FBXL18: variants seen among roughly 807,000 people sequenced by gnomAD.
FBXL18 encodes the protein F-box/LRR-repeat protein 18.
In FBXL18, 36 loss-of-function variants were observed where a neutral mutation model predicts 46.0. The ratio of observed to expected loss-of-function variants is 0.78; its 90% CI spans 0.60 to 1.03. FBXL18 has a LOEUF of 1.03. Among genes scored for constraint, FBXL18 ranks in the 50% least tolerant of loss-of-function variants. The pLI, the probability that FBXL18 is intolerant of heterozygous loss-of-function variation, is 0.00. For synonymous variants in FBXL18, 557 were observed against 465.3 expected (o/e 1.20, Z -2.54); for missense variants, 977 against 1,004.1 (o/e 0.97, Z 0.36).
At chr7:5,506,469 G>T (rs1323450889) in intron 1 of FBXL18, among the ~76,000 whole-genome samples, 1 of 151,334 alleles carries the variant, frequency 6.6e-6, no homozygotes, top group African/African-American at 2.4e-5. Flanking sequence ...TGGCCAATCA[G>T]GTTGCAAATT....
At chr7:5,507,003 G>A (rs1438818530) in intron 1 of FBXL18, among the ~76,000 whole-genome samples, 1 of 152,200 alleles carries the variant, frequency 6.6e-6, no homozygotes, top group South Asian at 2.1e-4. Flanking sequence ...TCCCCAGATC[G>A]GGGACAAAGG....
chr7:5,486,199 C>T (rs1309610507), intron 4 of FBXL18, among the ~76,000 whole-genome samples: 1 of 142,550 alleles, frequency 7.0e-6, no homozygotes, highest in African/African-American at 2.7e-5. Context: ...TGCAGTGAAC[C>T]GAGATGGTAC....
rs991423742 is a variant in FBXL18, at chr7:5,476,070, G to C, written c.*5705C>G. ...AGGTCTCCCCTTAAAACCACGTGGA[G>C]CTCTGCTGTCTCTGGGCAGTCTCAC... On this transcript the variant is annotated 3_prime_UTR_variant, in exon 5 of 5. Coordinates refer to ENST00000382368, the MANE Select transcript of FBXL18 (RefSeq NM_024963.6). 1.3e-5 allele frequency: 2 copies of C among 152,260 alleles called. No homozygotes were observed. The highest frequency in any genetic ancestry group is 4.8e-5 in the African/African-American group (2 of 41,454). The allele number at this position is 152,260 out of a possible 1,614,324, so 9.4% of individuals were successfully genotyped here. A position where few individuals can be genotyped will look rare whatever the true frequency, so the allele number is the denominator to read the frequency against.
chr7:5,462,972 ATATATAT>A (rs1783276076), intron 4 of FBXL18, among the ~76,000 whole-genome samples: 1 of 15,582 alleles, frequency 6.4e-5, no homozygotes, highest in Non-Finnish European at 1.6e-4. Flanking sequence ...AAAAAAAAAT[ATATATAT>A]ATATATATAT....
At chr7:5,513,540 G>A (rs1784595499) in intron 1 of FBXL18, 117 bp downstream of exon 1, 3 of 1,179,590 alleles carry the variant, frequency 2.5e-6, no homozygotes, top group African/African-American at 1.5e-5. Flanking sequence ...GGGAAGGACG[G>A]GGCGGGGTAG....
At chr7:5,495,389 CG>C (rs1384727480) in intron 3 of FBXL18, among the ~76,000 whole-genome samples, 2 of 152,228 alleles carry the variant, frequency 1.3e-5, no homozygotes, top group East Asian at 3.8e-4. Context: ...CACAGCAGCC[CG>C]GGTGACTCAG....
At chr7:5,474,768 C>T (rs1278730223), downstream of FBXL18, among the ~76,000 whole-genome samples, 24 of 150,240 alleles carry the variant, frequency 1.6e-4, 1 homozygote, top group Middle Eastern at 3.4e-3. Flanking sequence ...AGTGCAGTGG[C>T]GCGATCTCGG....
intron 4 of FBXL18, chr7:5,490,026 CAG>C (rs1783877474): frequency 7.6e-7 from 1 of 1,321,648 alleles, no homozygotes; most frequent in Non-Finnish European, 1.0e-6. Flanking sequence ...TTTTTACAAC[CAG>C]AGAGGGGGAA....
downstream of FBXL18, among the ~76,000 whole-genome samples, chr7:5,472,650 G>A (rs1783445862): frequency 6.6e-6 from 1 of 152,256 alleles, no homozygotes; most frequent in African/African-American, 2.4e-5. Flanking sequence ...AGGCCCCACT[G>A]AGGTCCAGGT....
At chr7:5,459,097 G>A (rs1182006890) in intron 4 of FBXL18, among the ~76,000 whole-genome samples, 1 of 152,198 alleles carries the variant, frequency 6.6e-6, no homozygotes, top group Non-Finnish European at 1.5e-5. Context: ...AGGCTGCAGT[G>A]AGACATGATC....
At position 5,501,389 on chromosome 7, in the gene FBXL18, C is replaced by T. The variant is rs1368203767; in HGVS notation, c.880G>A (p.Ala294Thr). The T allele has an allele frequency of 5.6e-6, 9 of 1,613,726 alleles. No homozygotes were observed. Among genetic ancestry groups the T allele is most frequent in the African/African-American group, 1.3e-5 (1 of 74,910 alleles). The change falls in exon 3 of 5, where the codon GCC becomes ACC. Residue 294 changes from alanine to threonine, a missense_variant. Ala to Thr is a moderately conservative substitution (Grantham distance 58, BLOSUM62 0). Coordinates refer to ENST00000382368, the MANE Select transcript of FBXL18 (RefSeq NM_024963.6). Reference protein sequence around the residue: ...DSMARNVVLDALQLPKSWLNG... With the variant: ...DSMARNVVLDTLQLPKSWLNG... ...AGCCAGGACTTGGGCAGCTGCAGGG[C>T]ATCCAGCACGACATTGCGCGCCATG...
Position 5,493,392 on chromosome 7 carries a change from T to C in FBXL18, c.1782-1943A>G, listed in dbSNP as rs370584498. Among the ~76,000 whole-genome samples, 3 of 152,178 alleles carry C rather than the reference T, an allele frequency of 2.0e-5. No homozygotes were observed. The East Asian group carries it at 5.9e-4, about 30-fold the overall frequency. On this transcript the variant is annotated intron_variant, in intron 3 of 4. Transcript: ENST00000382368. ...TCTCAGCTCATTGCAAGCTCCCGGGTTCACGCCATTCTCCTGCCTCAGCCT... is the reference window on the plus strand; with the variant it reads ...TCTCAGCTCATTGCAAGCTCCCGGGCTCACGCCATTCTCCTGCCTCAGCCT...
At position 5,503,202 on chromosome 7, in the gene FBXL18, G is replaced by A. The variant is rs1045881938; in HGVS notation, c.238-1171C>T. On this transcript the variant is annotated intron_variant, in intron 2 of 4. Transcript: ENST00000382368. ...TGGAGACCAGCTTGGGAAACATAGC[G>A]AGACCCCATATCTACCAAAAAGAAA... 3.3e-5 allele frequency among the ~76,000 whole-genome samples: 5 copies of A among 152,336 alleles called. No homozygotes were observed. In the East Asian group the frequency reaches 7.7e-4, roughly 23 times the overall value.
At chr7:5,469,003 G>T (rs550085489) in intron 4 of FBXL18, among the ~76,000 whole-genome samples, 3 of 152,312 alleles carry the variant, frequency 2.0e-5, no homozygotes, top group Non-Finnish European at 2.9e-5. Context: ...AATTGAGAGT[G>T]TGTGGTGTGC....
intron 4 of FBXL18, among the ~76,000 whole-genome samples, chr7:5,485,919 C>A (rs1428786001): frequency 6.6e-6 from 1 of 151,852 alleles, no homozygotes; most frequent in Admixed American, 6.6e-5. Flanking sequence ...ATTAGCCGGG[C>A]GTGGTGGCAC....
At position 5,480,380 on chromosome 7, in the gene FBXL18, G is replaced by A. The variant is rs1279756788; in HGVS notation, c.*1395C>T. The A allele has an allele frequency of 6.6e-6, 1 of 152,070 alleles. No homozygotes were observed. The highest frequency in any genetic ancestry group is 2.4e-5 in the African/African-American group (1 of 41,398). 9.4% of individuals were successfully genotyped at this position (152,070 alleles called of 1,614,324 possible). A position where few individuals can be genotyped will look rare whatever the true frequency, so the allele number is the denominator to read the frequency against. Reference sequence around the variant, plus strand: ...GGCAGAAGCGGCCACCGTGGCACATGGGGTGAGGACTCAGATGCCAGGAGG... The same window carrying A: ...GGCAGAAGCGGCCACCGTGGCACATAGGGTGAGGACTCAGATGCCAGGAGG... On this transcript the variant is annotated 3_prime_UTR_variant, in exon 5 of 5. Transcript: ENST00000382368.
chr7:5,475,085 G>A (rs1324378571), downstream of FBXL18, among the ~76,000 whole-genome samples: 3 of 150,620 alleles, frequency 2.0e-5, no homozygotes, highest in Admixed American at 6.6e-5. The surrounding 1 kb of genome is among the most constrained non-coding windows in gnomAD (Gnocchi z 4.2). Context: ...TTGGGAGGCC[G>A]AGGCGGGTGG....
intron 4 of FBXL18, among the ~76,000 whole-genome samples, chr7:5,487,645 T>C (rs1451104186): frequency 6.6e-6 from 1 of 152,202 alleles, no homozygotes; most frequent in Non-Finnish European, 1.5e-5. Context: ...AGCACTGACC[T>C]CACAGGGCTT....
At chr7:5,456,553 C>T (rs1562669014) in intron 4 of FBXL18, among the ~76,000 whole-genome samples, 1 of 151,688 alleles carries the variant, frequency 6.6e-6, no homozygotes, top group Non-Finnish European at 1.5e-5. Context: ...AAGCAGCAAA[C>T]TCAGCAAGGT....
Sources: gnomAD v4.1 joint callset for allele counts (sites outside exome capture counted in the v4.1 genomes callset) on GRCh38, gnomAD v4.1.1 for gene constraint, Gnocchi (gnomAD v3.1) non-coding constraint, MANE v1.5 for transcripts, NCBI Gene and HGNC (gene_info 2026-07-23, HGNC 2026-07-21) for gene names.